The following MTPAP variants were observed in gnomAD, a reference collection of about 807,000 sequenced individuals.
MTPAP encodes mitochondrial poly(A) polymerase.
Under a neutral mutation model 48.7 loss-of-function variants are expected in MTPAP, and 23 were observed. The observed-to-expected ratio is 0.47, with a 90% CI of 0.34 to 0.67. The LOEUF (loss-of-function observed/expected upper bound fraction) is 0.67, where lower values mean the gene tolerates loss of function less well. MTPAP is among the 30% of genes least tolerant of loss of function. The pLI is 0.01. For missense variants in MTPAP, 614 were observed against 694.3 expected, an observed-to-expected ratio of 0.88 and a Z score of 1.30; for synonymous variants, 257 against 254.1, an observed-to-expected ratio of 1.01 and a Z score of -0.11.
rs978270831 is a variant in MTPAP at position 30,337,007 on chromosome 10, A to G, written c.576T>C (p.Thr192=). The change falls in exon 4 of 9, where the codon ACT becomes ACC. Residue 192 remains threonine (T), a synonymous_variant. Coordinates refer to ENST00000263063, the MANE Select transcript of MTPAP (RefSeq NM_018109.4). ...CTGTTAGCTGGAACTCCTTCAAGAG[A>G]GTGTTCAGCTGATCGTCTATCTAGC... ...YAESIDDQLN[T]LLKEFQLTEE... is the part of the protein sequence containing the mutation. 1.9e-6 allele frequency: 3 copies of G among 1,613,100 alleles called. No individual in the cohort carries two copies. The highest frequency in any genetic ancestry group is 2.5e-6 in the Non-Finnish European group (3 of 1,179,818).
intron 8 of MTPAP, 88 bp downstream of exon 8, chr10:30,315,875 T>C: frequency 7.6e-7 from 1 of 1,308,554 alleles, no homozygotes; most frequent in South Asian, 1.4e-5. Flanking sequence ...ATAAATAACA[T>C]TTATTAGAGT....
intron 1 of MTPAP, 172 bp downstream of exon 1, chr10:30,348,947 G>T: frequency 1.1e-6 from 1 of 888,704 alleles, no homozygotes; most frequent in Non-Finnish European, 1.7e-6. Context: ...CCTCAGCAAC[G>T]GCGGCGACCC....
intron 1 of MTPAP, among the ~76,000 whole-genome samples, chr10:30,348,567 C>G (rs1447863110): frequency 6.6e-6 from 1 of 152,176 alleles, no homozygotes; most frequent in East Asian, 1.9e-4. Flanking sequence ...CGCGGGACAA[C>G]AGCCTGTTGC....
chr10:30,340,320 T>C lies in MTPAP; in HGVS notation c.461A>G (p.Lys154Arg), dbSNP rs1387164552. ...GCGTGACCGTTCAGAAGTCTGGTTTTTCAACTTCAGATTGAAGAAACGTGA... is the reference window on the plus strand; with the variant it reads ...GCGTGACCGTTCAGAAGTCTGGTTTCTCAACTTCAGATTGAAGAAACGTGA... ...FRSRFFNLKLKNQTSERSRVR... is the reference protein window; with the variant it reads ...FRSRFFNLKLRNQTSERSRVR... Residue 154 changes from lysine (K) to arginine (R), a missense_variant, in exon 3 of 9, where the codon AAA (lysine) becomes AGA (arginine). This residue lies in a region of MTPAP where 114 missense variants were observed against 107.9 expected (regional missense o/e 1.06). Transcript: ENST00000263063. 3.1e-6 allele frequency: 5 copies of C among 1,614,084 alleles called. No individual in the cohort carries two copies. Among genetic ancestry groups the C allele is most frequent in the East Asian group, 2.2e-5 (1 of 44,890 alleles).
chr10:30,333,234 A>G (rs1834692132), intron 4 of MTPAP, among the ~76,000 whole-genome samples: 1 of 152,178 alleles, frequency 6.6e-6, no homozygotes, highest in African/African-American at 2.4e-5. Context: ...ATAAGAGTAA[A>G]ATTATATTGC....
rs2132854293 is a variant in MTPAP at position 30,326,522 on chromosome 10, G to A, written c.894C>T (p.Gly298=). The A allele has an allele frequency of 6.2e-7, 1 of 1,614,140 alleles. No individual in the cohort carries two copies. Among genetic ancestry groups the A allele is most frequent in the Non-Finnish European group, 8.5e-7 (1 of 1,180,018 alleles). ...LGECLDHFGP[G]CVGVQKILNA... is the part of the protein sequence containing the mutation. ...TTAATATTTTTTGCACACCCACACA[G>A]CCAGGGCCAAAGTGGTCAAGGCACT... Residue 298 remains glycine (G), a synonymous_variant, in exon 5 of 9, where the codon GGC becomes GGT. Transcript: ENST00000263063.
chr10:30,322,537 C>T lies in MTPAP; in HGVS notation c.1073G>A (p.Arg358Gln), dbSNP rs756313958. The change falls in exon 6 of 9, where the codon CGG becomes CAG. Residue 358 changes from arginine to glutamine, a missense_variant. Transcript: ENST00000263063. Reference sequence around the variant, plus strand: ...TAGTGAATGTGCTCGAGCCCAGCACCGTACACTGAACACCAAGGCTCTCAC... The same window carrying T: ...TAGTGAATGTGCTCGAGCCCAGCACTGTACACTGAACACCAAGGCTCTCAC... ...SRVRALVFSVRCWARAHSLTS... is the reference protein window; with the variant it reads ...SRVRALVFSVQCWARAHSLTS... 1 of 1,613,910 alleles carries T rather than the reference C, an allele frequency of 6.2e-7. No homozygotes were observed. Among genetic ancestry groups the T allele is most frequent in the East Asian group, 2.2e-5 (1 of 44,864 alleles).
intron 5 of MTPAP, among the ~76,000 whole-genome samples, chr10:30,322,852 G>GT (rs1452007345): frequency 6.6e-6 from 1 of 151,936 alleles, no homozygotes; most frequent in Non-Finnish European, 1.5e-5. Flanking sequence ...TAATTAAAAT[G>GT]TAAGCCGGGC....
At chr10:30,322,655 CA>C in intron 5 of MTPAP, 38 bp from the exon 6 acceptor site, 3 of 1,444,840 alleles carry the variant, frequency 2.1e-6, no homozygotes, top group Non-Finnish European at 2.9e-6. Context: ...TTCAAATCCC[CA>C]AATTATAAAC....
rs749140383 is a variant in MTPAP, at chr10:30,340,212, A to C, written c.555+14T>G. On this transcript the variant is annotated intron_variant, in intron 3 of 8. Transcript: ENST00000263063. ...TACATAGTTCTAAAAGTTGAGGTACACCTAAAAACTTACACTTTCTGCATA... is the reference window on the plus strand; with the variant it reads ...TACATAGTTCTAAAAGTTGAGGTACCCCTAAAAACTTACACTTTCTGCATA... The C allele has an allele frequency of 7.6e-6, 12 of 1,588,786 alleles. No individual in the cohort carries two copies. The highest frequency in any genetic ancestry group is 1.0e-5 in the Non-Finnish European group (12 of 1,156,894).
chr10:30,341,478 T>A lies in MTPAP; in HGVS notation c.320A>T (p.Tyr107Phe). 3.7e-6 allele frequency: 6 copies of A among 1,613,236 alleles called. No individual in the cohort carries two copies. The highest frequency in any genetic ancestry group is 5.1e-6 in the Non-Finnish European group (6 of 1,179,586). The change falls in exon 2 of 9, where the codon TAT becomes TTT. Residue 107 changes from tyrosine to phenylalanine, a missense_variant. By Grantham distance (22) the Tyr-to-Phe change is conservative. This residue lies in a region of MTPAP where 114 missense variants were observed against 107.9 expected (regional missense o/e 1.06). Coordinates refer to ENST00000263063, the MANE Select transcript of MTPAP (RefSeq NM_018109.4). ...QFGPINNHFFYESFGLYAVVE... is the reference protein window; with the variant it reads ...QFGPINNHFFFESFGLYAVVE... The stretch of plus-strand genomic sequence containing the variant: ...TTTTCAAATACTTACAAAGCTTTCA[T>A]AGAAGAAATGATTATTAATAGGTCC...
intron 7 of MTPAP, 26 bp from the exon 8 acceptor site, chr10:30,316,062 T>A: frequency 6.2e-7 from 1 of 1,610,620 alleles, no homozygotes; most frequent in South Asian, 1.1e-5. Flanking sequence ...ACAAGGACAA[T>A]CAGAGGAAAG....
intron 6 of MTPAP, among the ~76,000 whole-genome samples, chr10:30,316,925 T>C (rs960330664): frequency 2.0e-5 from 3 of 152,068 alleles, no homozygotes; most frequent in African/African-American, 4.8e-5. Flanking sequence ...TTTAAGTAAA[T>C]TTCTACTCTA....
intron 1 of MTPAP, 47 bp downstream of exon 1, chr10:30,349,072 C>G: frequency 6.2e-7 from 1 of 1,613,468 alleles, no homozygotes; most frequent in Non-Finnish European, 8.5e-7. Context: ...ATCCCAGACT[C>G]CTCGCCCGCT....
intron 8 of MTPAP, among the ~76,000 whole-genome samples, chr10:30,314,884 C>CAAAAAAAAAAAAAAAAAAAGA (rs1840641517): frequency 1.8e-5 from 2 of 110,746 alleles, no homozygotes; most frequent in Non-Finnish European, 3.5e-5. Flanking sequence ...AAAACAAAAA[C>CAAAAAAAAAAAAAAAAAAAGA]AAAAAAAAAA....
At chr10:30,347,850 C>T (rs1189394457) in intron 1 of MTPAP, among the ~76,000 whole-genome samples, 1 of 152,042 alleles carries the variant, frequency 6.6e-6, no homozygotes, top group Non-Finnish European at 1.5e-5. Flanking sequence ...AAGATCGTGC[C>T]ATTGCACTCC....
At chr10:30,318,022 T>C (rs1182517000) in intron 6 of MTPAP, among the ~76,000 whole-genome samples, 3 of 152,108 alleles carry the variant, frequency 2.0e-5, no homozygotes. Context: ...CACACCCGGC[T>C]AATTTTTATA....
chr10:30,314,588 T>C (rs1026823517), intron 8 of MTPAP, among the ~76,000 whole-genome samples: 1 of 152,090 alleles, frequency 6.6e-6, no homozygotes, highest in African/African-American at 2.4e-5. Flanking sequence ...CATAAGATAG[T>C]ATCTCACAGA....
chr10:30,334,339 C>A (rs980326262), intron 4 of MTPAP, among the ~76,000 whole-genome samples: 1 of 152,046 alleles, frequency 6.6e-6, no homozygotes, highest in Non-Finnish European at 1.5e-5. Context: ...TTTACAAGTG[C>A]CTTCTATTAC....
Sources: allele counts gnomAD v4.1 joint callset (sites outside exome capture counted in the v4.1 genomes callset), GRCh38; gene constraint gnomAD v4.1.1; regional missense constraint gnomAD v4.1.1; transcripts MANE v1.5; gene names NCBI Gene and HGNC (gene_info 2026-07-23, HGNC 2026-07-21).